Variants in POU2F1 observed in about 807,000 individuals in gnomAD.
The protein encoded by POU2F1 is POU domain, class 2, transcription factor 1.
POU2F1 carries 16 observed loss-of-function variants against 84.9 expected under a neutral mutation model. The observed-to-expected ratio is 0.19, with a 90% confidence interval of 0.13 to 0.29. POU2F1 has a LOEUF of 0.29. POU2F1 is among the 10% of genes least tolerant of loss of function. The pLI is 1.00. For synonymous variants in POU2F1, 368 were observed against 368.3 expected, an observed-to-expected ratio of 1.00 and a Z score of 0.01; for missense variants, 738 against 942.6, an observed-to-expected ratio of 0.78 and a Z score of 2.84.
intron 1 of POU2F1, among the ~76,000 whole-genome samples, chr1:167,265,012 C>T (rs999011426): frequency 2.0e-5 from 3 of 152,134 alleles, no homozygotes; most frequent in Non-Finnish European, 2.9e-5. Flanking sequence ...GAATCCATAC[C>T]AGACCCCATC....
At chr1:167,296,559 G>A (rs1355317177) in intron 1 of POU2F1, among the ~76,000 whole-genome samples, 1 of 152,094 alleles carries the variant, frequency 6.6e-6, no homozygotes, top group African/African-American at 2.4e-5. Context: ...AAGGAAAAGT[G>A]TTTGGTCAGA....
intron 2 of POU2F1, chr1:167,357,380 C>CCCCCCCCCCCCCCCCCCA (rs1659028063): frequency 3.3e-4 from 1 of 3,000 alleles, no homozygotes; most frequent in Non-Finnish European, 8.1e-4. Flanking sequence ...CCCCCCCCCA[C>CCCCCCCCCCCCCCCCCCA]CCCCCCCCGC....
At chr1:167,233,968 G>A (rs890928163) in intron 1 of POU2F1, among the ~76,000 whole-genome samples, 6 of 152,178 alleles carry the variant, frequency 3.9e-5, no homozygotes, top group Non-Finnish European at 5.9e-5. Flanking sequence ...GACCCCCATG[G>A]GGTGTGTATT....
chr1:167,258,968 C>T lies in POU2F1; in HGVS notation c.61+38010C>T, dbSNP rs538532365. On this transcript the variant is annotated intron_variant, in intron 1 of 15. Transcript: ENST00000367866. ...AAAAGAGGCATCATACCAGATTTTG[C>T]GTACAGGCTGTAGTTTGCTAACCCC... 4.6e-5 allele frequency among the ~76,000 whole-genome samples: 7 copies of T among 152,270 alleles called. No individual in the cohort carries two copies. The East Asian group carries it at 1.2e-3, about 25-fold the overall frequency.
intron 8 of POU2F1, among the ~76,000 whole-genome samples, chr1:167,386,092 C>T (rs1363042323): frequency 6.6e-6 from 1 of 152,122 alleles, no homozygotes; most frequent in Non-Finnish European, 1.5e-5. Context: ...TATGACAAAA[C>T]CAAGTGTTGG....
At chr1:167,224,729 C>G (rs1010526893) in intron 1 of POU2F1, among the ~76,000 whole-genome samples, 3 of 151,450 alleles carry the variant, frequency 2.0e-5, no homozygotes, top group Non-Finnish European at 4.4e-5. Flanking sequence ...TTTTAGGTTA[C>G]TTTTGAACCC....
In POU2F1 at chr1:167,423,184, A is replaced by G. The variant is rs867816316; in HGVS notation, c.*7374A>G. Reference sequence around the variant, plus strand: ...AAGAACAGGATTACGTGGAAAACCAAAAGATCTTCCCTTACTCTCCTATAA... The same window carrying G: ...AAGAACAGGATTACGTGGAAAACCAGAAGATCTTCCCTTACTCTCCTATAA... On this transcript the variant is annotated 3_prime_UTR_variant, in exon 16 of 16. Transcript: ENST00000367866. 2.0e-5 allele frequency: 3 copies of G among 152,232 alleles called. No homozygotes were observed. The highest frequency in any genetic ancestry group is 7.2e-5 in the African/African-American group (3 of 41,462). The allele number at this position is 152,232 out of a possible 1,614,324, so 9.4% of individuals were successfully genotyped here. A position where few individuals can be genotyped will look rare whatever the true frequency, so the allele number is the denominator to read the frequency against.
intron 3 of POU2F1, among the ~76,000 whole-genome samples, chr1:167,366,394 C>T (rs1426624732): frequency 6.6e-6 from 1 of 152,168 alleles, no homozygotes; most frequent in Non-Finnish European, 1.5e-5. Flanking sequence ...CCCATATGTA[C>T]ATAAGACAGG....
At chr1:167,332,328 G>T (rs1657127627) in intron 1 of POU2F1, 142 bp from the exon 2 acceptor site, 3 of 484,812 alleles carry the variant, frequency 6.2e-6, no homozygotes, top group East Asian at 6.1e-5. Flanking sequence ...TAGTATTTTA[G>T]CCAGACATGT....
chr1:167,252,807 G>A (rs992207587), intron 1 of POU2F1, among the ~76,000 whole-genome samples: 4 of 152,274 alleles, frequency 2.6e-5, no homozygotes, highest in African/African-American at 9.6e-5. Context: ...TTTATAACAG[G>A]TTAACATGGA....
chr1:167,408,306 C>T (rs755880687), intron 13 of POU2F1, among the ~76,000 whole-genome samples: 25 of 152,154 alleles, frequency 1.6e-4, no homozygotes, highest in African/African-American at 5.8e-4. Flanking sequence ...GATACAGCTT[C>T]GGAAAACATC....
Position 167,415,384 on chromosome 1 carries a change from A to G in POU2F1, c.1991-116A>G, listed in dbSNP as rs1327843949. The G allele has an allele frequency of 5.2e-6, 6 of 1,153,922 alleles. No homozygotes were observed. In the African/African-American group the frequency reaches 7.7e-5, roughly 15 times the overall value. 71.5% of individuals were successfully genotyped at this position (1,153,922 alleles called of 1,614,324 possible). On this transcript the variant is annotated intron_variant, in intron 15 of 15. Coordinates refer to ENST00000367866, the MANE Select transcript of POU2F1 (RefSeq NM_002697.4). ...GAGGAAAAAAATTCAGTGAAGGGCT[A>G]TACTTTTTCCTGGTGGGTTGTAGGA...
chr1:167,319,412 A>T (rs576168616), intron 1 of POU2F1, among the ~76,000 whole-genome samples: 1 of 152,240 alleles, frequency 6.6e-6, no homozygotes, highest in South Asian at 2.1e-4. Context: ...CAAAAAATTT[A>T]AAGTCAGTAA....
Position 167,389,773 on chromosome 1 carries a change from T to C in POU2F1, c.987+12T>C. 6 of 1,609,784 alleles carry C rather than the reference T, an allele frequency of 3.7e-6. No homozygotes were observed. The highest frequency in any genetic ancestry group is 5.1e-6 in the Non-Finnish European group (6 of 1,177,618). On this transcript the variant is annotated intron_variant, in intron 9 of 15. Transcript: ENST00000367866. ...TTGGATTCACTCAGGTAGGGTGAATTGGCCTTACATTGATTCCCCTCCTTG... is the reference window on the plus strand; with the variant it reads ...TTGGATTCACTCAGGTAGGGTGAATCGGCCTTACATTGATTCCCCTCCTTG...
In POU2F1 at chr1:167,359,814, T is replaced by G. The variant is rs369411430; in HGVS notation, c.128-5653T>G. On this transcript the variant is annotated intron_variant, in intron 2 of 15. Coordinates refer to ENST00000367866, the MANE Select transcript of POU2F1 (RefSeq NM_002697.4). ...TTCCTACCAACAGTGTGTACGTGGT[T>G]TTTTTTTTTTCAGCTTTGTCAACAT... 2.4e-3 allele frequency among the ~76,000 whole-genome samples: 352 copies of G among 148,310 alleles called. 2 individuals carry two copies. Among genetic ancestry groups the G allele is most frequent in the Middle Eastern group, 6.9e-3 (2 of 290 alleles).
intron 1 of POU2F1, among the ~76,000 whole-genome samples, chr1:167,306,752 A>G (rs1044311815): frequency 3.9e-5 from 6 of 152,100 alleles, no homozygotes; most frequent in African/African-American, 1.2e-4. Context: ...CATCTGTTCT[A>G]TGTCTGTCTT....
chr1:167,304,086 C>T (rs889547222), intron 1 of POU2F1, among the ~76,000 whole-genome samples: 4 of 152,106 alleles, frequency 2.6e-5, no homozygotes, highest in African/African-American at 9.7e-5. Flanking sequence ...GATCCGACTC[C>T]AGTTCAGAAT....
At chr1:167,234,645 G>A (rs966328204) in intron 1 of POU2F1, among the ~76,000 whole-genome samples, 1 of 152,150 alleles carries the variant, frequency 6.6e-6, no homozygotes, top group Non-Finnish European at 1.5e-5. Flanking sequence ...GAAGCAGGAG[G>A]ACCTCTTGAG....
At chr1:167,226,972 A>G (rs1164520038) in intron 1 of POU2F1, among the ~76,000 whole-genome samples, 2 of 151,968 alleles carry the variant, frequency 1.3e-5, no homozygotes, top group Non-Finnish European at 2.9e-5. Flanking sequence ...ATTTTTTTTA[A>G]GAGATGGGGT....
Sources: gnomAD v4.1 joint callset for allele counts (sites outside exome capture counted in the v4.1 genomes callset) on GRCh38, gnomAD v4.1.1 for gene constraint, MANE v1.5 for transcripts, NCBI Gene and HGNC (gene_info 2026-07-23, HGNC 2026-07-21) for gene names.